The following PRKG1 variants were observed in gnomAD, a reference collection of about 807,000 sequenced individuals.
The protein encoded by PRKG1 is cGMP-dependent protein kinase 1.
In PRKG1, 35 loss-of-function variants were observed where a neutral mutation model predicts 88.1. That is an observed-to-expected ratio of 0.40 (90% CI 0.30 to 0.53). The LOEUF is 0.53. PRKG1 is among the 20% of genes least tolerant of loss of function. The probability of loss-of-function intolerance (pLI) is 0.59; values close to 1 mark genes in which losing one functional copy is unlikely to be tolerated. For missense variants in PRKG1, 540 were observed against 839.8 expected (o/e 0.64, Z 4.41); for synonymous variants, 303 against 292.5 (o/e 1.04, Z -0.37).
chr10:52,263,835 T>G (rs1448274511), intron 10 of PRKG1, among the ~76,000 whole-genome samples: 1 of 152,122 alleles, frequency 6.6e-6, no homozygotes, highest in African/African-American at 2.4e-5. Flanking sequence ...CCTCCCAAAG[T>G]GCTGGCATTA....
Position 52,196,501 on chromosome 10 carries a change from A to G in PRKG1, c.1076+34538A>G, listed in dbSNP as rs552157718. Reference sequence around the variant, plus strand: ...GGAAAGGAAATTAATTAAAACATAAATTAGAAAAGCAAGGCTCACCAGCTT... The same window carrying G: ...GGAAAGGAAATTAATTAAAACATAAGTTAGAAAAGCAAGGCTCACCAGCTT... On this transcript the variant is annotated intron_variant, in intron 9 of 17. Transcript: ENST00000373980. Among the ~76,000 whole-genome samples, 4 of 152,346 alleles carry G rather than the reference A, an allele frequency of 2.6e-5. No homozygotes were observed. In the East Asian group the frequency reaches 7.7e-4, roughly 29 times the overall value.
At chr10:51,388,376 T>A (rs1040907791) in intron 2 of PRKG1, among the ~76,000 whole-genome samples, 2 of 152,124 alleles carry the variant, frequency 1.3e-5, no homozygotes, top group South Asian at 2.1e-4. Flanking sequence ...CCCCCTGAAT[T>A]TAAGTCCAGG....
intron 3 of PRKG1, among the ~76,000 whole-genome samples, chr10:51,786,195 A>G (rs145016873): frequency 6.6e-6 from 1 of 152,264 alleles, no homozygotes; most frequent in East Asian, 1.9e-4. Flanking sequence ...TTTGGCTAAG[A>G]TCTACTAAAT....
intron 3 of PRKG1, among the ~76,000 whole-genome samples, chr10:51,575,267 A>G (rs1564556874): frequency 6.6e-6 from 1 of 152,012 alleles, no homozygotes; most frequent in African/African-American, 2.4e-5. Context: ...CTCTCTTTCA[A>G]TAAGAAGTTG....
At chr10:51,836,243 T>A (rs1283430594) in intron 4 of PRKG1, among the ~76,000 whole-genome samples, 1 of 152,188 alleles carries the variant, frequency 6.6e-6, no homozygotes, top group Non-Finnish European at 1.5e-5. Context: ...GGTCAGTTGA[T>A]TTTTGACAAA....
chr10:51,156,278 A>G (rs1233398726), intron 2 of PRKG1, among the ~76,000 whole-genome samples: 1 of 87,356 alleles, frequency 1.1e-5, no homozygotes, highest in Non-Finnish European at 2.6e-5. Context: ...AAGGAAGCAA[A>G]CGAAGTTATT....
intron 3 of PRKG1, among the ~76,000 whole-genome samples, chr10:51,726,483 G>C (rs1374855779): frequency 1.3e-5 from 2 of 152,114 alleles, no homozygotes; most frequent in Non-Finnish European, 2.9e-5. Flanking sequence ...CAGCTATTTG[G>C]GTGGCTGCAT....
intron 9 of PRKG1, 97 bp from the exon 10 acceptor site, chr10:52,251,473 A>T (rs1841166937): frequency 1.1e-6 from 1 of 936,934 alleles, no homozygotes; most frequent in African/African-American, 1.6e-5. Context: ...AAGCAGGTAA[A>T]CCCTGTTCCA....
Position 51,864,402 on chromosome 10 carries a change from G to C in PRKG1, c.699-43105G>C, listed in dbSNP as rs1309384340. Among the ~76,000 whole-genome samples, 7 of 152,262 alleles carry C rather than the reference G, an allele frequency of 4.6e-5. 1 individual carries two copies. The South Asian group carries it at 1.5e-3, about 32-fold the overall frequency. ...TATTTTCATATTCTACATGTGTGAT[G>C]ATAATTTTAAAAAGTTTGGAATGTA... On this transcript the variant is annotated intron_variant, in intron 4 of 17. Coordinates refer to ENST00000373980, the MANE Select transcript of PRKG1 (RefSeq NM_006258.4).
Position 52,085,046 on chromosome 10 carries a change from C to T in PRKG1, c.935+22415C>T, listed in dbSNP as rs200338026. 8.5e-5 allele frequency among the ~76,000 whole-genome samples: 13 copies of T among 152,066 alleles called. No individual in the cohort carries two copies. In the South Asian group the frequency reaches 1.0e-3, roughly 12 times the overall value. On this transcript the variant is annotated intron_variant, in intron 7 of 17. Transcript: ENST00000373980. ...CTTTGCCAGAATATTATATAAGTGACGTTGTATTCTTCCCAGGGTATCAAA... is the reference window on the plus strand; with the variant it reads ...CTTTGCCAGAATATTATATAAGTGATGTTGTATTCTTCCCAGGGTATCAAA...
chr10:51,272,126 G>A (rs1839995762), intron 2 of PRKG1, among the ~76,000 whole-genome samples: 1 of 152,158 alleles, frequency 6.6e-6, no homozygotes, highest in Non-Finnish European at 1.5e-5. Context: ...GGTGTGAAAT[G>A]GTATCTCATT....
chr10:51,198,312 G>T (rs1306559845), intron 2 of PRKG1, among the ~76,000 whole-genome samples: 1 of 152,154 alleles, frequency 6.6e-6, no homozygotes, highest in Admixed American at 6.5e-5. Flanking sequence ...GTATGGCTAG[G>T]AGGAGCTGCA....
intron 1 of PRKG1, among the ~76,000 whole-genome samples, chr10:51,089,113 C>T (rs1326671083): frequency 6.6e-6 from 1 of 152,240 alleles, no homozygotes; most frequent in South Asian, 2.1e-4. Context: ...ATTGGGATTA[C>T]AGTCATGAAA....
At chr10:51,585,218 T>C (rs1036940009) in intron 3 of PRKG1, among the ~76,000 whole-genome samples, 1 of 152,110 alleles carries the variant, frequency 6.6e-6, no homozygotes, top group Non-Finnish European at 1.5e-5. Context: ...ATCACTTAAA[T>C]TCTTTCTCAA....
chr10:52,133,828 T>C lies in PRKG1; in HGVS notation c.936-12T>C, dbSNP rs1285468285. 6.2e-7 allele frequency: 1 copy of C among 1,610,128 alleles called. No homozygotes were observed. The highest frequency in any genetic ancestry group is 1.3e-5 in the African/African-American group (1 of 74,932). Reference sequence around the variant, plus strand: ...AGGTTATTTTATTTGAATGTCTCTATTTTTCACATAGGGAAGATGTGAGAA... The same window carrying C: ...AGGTTATTTTATTTGAATGTCTCTACTTTTCACATAGGGAAGATGTGAGAA... On this transcript the variant is annotated splice_polypyrimidine_tract_variant and intron_variant, in intron 7 of 17. Coordinates refer to ENST00000373980, the MANE Select transcript of PRKG1 (RefSeq NM_006258.4).
At chr10:52,154,103 A>G (rs75276233) in intron 8 of PRKG1, among the ~76,000 whole-genome samples, 2,668 of 152,240 alleles carry the variant, frequency 0.018, 54 homozygotes, top group East Asian at 0.059. Flanking sequence ...TTAATCCTTC[A>G]TTAGTAGCTA....
intron 1 of PRKG1, among the ~76,000 whole-genome samples, chr10:51,060,904 G>A (rs529945620): frequency 2.6e-5 from 4 of 151,774 alleles, no homozygotes; most frequent in South Asian, 2.1e-4. Context: ...TTTTTCAGCC[G>A]TTTGAGGCTA....
intron 4 of PRKG1, among the ~76,000 whole-genome samples, chr10:51,844,183 G>A (rs1214715047): frequency 6.6e-6 from 1 of 152,160 alleles, no homozygotes; most frequent in African/African-American, 2.4e-5. Context: ...TGTCAATGCT[G>A]ATGGCAATCA....
At chr10:51,804,781 T>C (rs1839262427) in intron 4 of PRKG1, 91 bp downstream of exon 4, 1 of 866,538 alleles carries the variant, frequency 1.2e-6, no homozygotes, top group South Asian at 1.5e-5. Flanking sequence ...AGGGTGCTTT[T>C]TGCCTTTCTC....
Sources: gnomAD v4.1 joint callset for allele counts (sites outside exome capture counted in the v4.1 genomes callset) on GRCh38, gnomAD v4.1.1 for gene constraint, MANE v1.5 for transcripts, NCBI Gene and HGNC (gene_info 2026-07-23, HGNC 2026-07-21) for gene names.